Variants in KIAA0586 observed in about 807,000 individuals in gnomAD.
KIAA0586 encodes KIAA0586, also known as protein TALPID3.
In KIAA0586, 144 loss-of-function variants were observed where a neutral mutation model predicts 169.8. The observed-to-expected ratio is 0.85, with a 90% CI of 0.74 to 0.97. The LOEUF is 0.97. Among genes scored for constraint, KIAA0586 ranks in the 50% least tolerant of loss-of-function variants. The pLI is 0.00. For missense variants in KIAA0586, 1,854 were observed against 1,823.0 expected (o/e 1.02, Z -0.31); for synonymous variants, 625 against 612.4 (o/e 1.02, Z -0.30).
intron 26 of KIAA0586, among the ~76,000 whole-genome samples, chr14:58,494,330 T>TG (rs1378296089): frequency 3.3e-3 from 1 of 300 alleles, no homozygotes; most frequent in East Asian, 0.25. Context: ...TTTTTTGTTG[T>TG]TTTTTTTTTT....
rs541826432 is a variant in KIAA0586 at position 58,428,263 on chromosome 14, A to G, written c.-2A>G. On this transcript the variant is annotated 5_prime_UTR_variant, in exon 1 of 31. Coordinates refer to ENST00000652326, the MANE Select transcript of KIAA0586 (RefSeq NM_001329943.3). ...TGTGGGACTTGTTTTGTGACCAACA[A>G]TATGAAAGGCTCTGAGGTCAGCTTG... The G allele has an allele frequency of 8.1e-6, 13 of 1,613,028 alleles. No homozygotes were observed. In the East Asian group the frequency reaches 1.1e-4, roughly 14 times the overall value.
At chr14:58,476,524 A>G (rs1478145482) in intron 19 of KIAA0586, among the ~76,000 whole-genome samples, 1 of 152,142 alleles carries the variant, frequency 6.6e-6, no homozygotes, top group Non-Finnish European at 1.5e-5. Flanking sequence ...GATATGCCAG[A>G]TAGTCATTGG....
intron 30 of KIAA0586, 98 bp from the exon 31 acceptor site, chr14:58,547,683 C>CGG: frequency 1.3e-6 from 1 of 794,210 alleles, no homozygotes; most frequent in Non-Finnish European, 2.0e-6. Flanking sequence ...TTGGAATCCG[C>CGG]GCCCCCCCAC....
intron 21 of KIAA0586, among the ~76,000 whole-genome samples, chr14:58,485,464 A>G (rs1327434081): frequency 1.3e-5 from 2 of 152,178 alleles, no homozygotes; most frequent in African/African-American, 4.8e-5. Flanking sequence ...ATCTTGTAGT[A>G]GGAAATCTGG....
chr14:58,534,992 A>G (rs2046196903), intron 29 of KIAA0586, among the ~76,000 whole-genome samples: 1 of 152,128 alleles, frequency 6.6e-6, no homozygotes, highest in African/African-American at 2.4e-5. Flanking sequence ...CCAGACCCCC[A>G]AAGGCCCTCA....
At chr14:58,438,467 C>T (rs1457529036) in intron 4 of KIAA0586, among the ~76,000 whole-genome samples, 1 of 152,268 alleles carries the variant, frequency 6.6e-6, no homozygotes, top group East Asian at 1.9e-4. Context: ...ACATACCTAA[C>T]CCTTTGTTAC....
intron 30 of KIAA0586, among the ~76,000 whole-genome samples, chr14:58,543,240 A>G (rs377550071): frequency 1.3e-5 from 2 of 151,344 alleles, no homozygotes; most frequent in East Asian, 3.9e-4. Context: ...TCAGTCTCTT[A>G]TTATTTTCTA....
chr14:58,492,384 G>A (rs1264107703), intron 26 of KIAA0586, 109 bp downstream of exon 26: 1 of 903,050 alleles, frequency 1.1e-6, no homozygotes, highest in Non-Finnish European at 1.6e-6. Context: ...TTTTTCAAGG[G>A]TCAGTGTTAC....
intron 30 of KIAA0586, among the ~76,000 whole-genome samples, chr14:58,540,379 G>A (rs1376315749): frequency 6.6e-6 from 1 of 152,182 alleles, no homozygotes; most frequent in Non-Finnish European, 1.5e-5. Context: ...TGAATTAAAA[G>A]GCTGCAGGTG....
chr14:58,432,586 CATG>C, intron 4 of KIAA0586, 129 bp downstream of exon 4: 1 of 555,016 alleles, frequency 1.8e-6, no homozygotes, highest in Non-Finnish European at 3.2e-6. Flanking sequence ...AAGCATTTCT[CATG>C]GTGCTAGACA....
rs150425710 is a variant in KIAA0586 at position 58,521,069 on chromosome 14, G to A, written c.4429+8442G>A. The A allele has an allele frequency of 7.2e-4, 295 of 411,168 alleles. 1 individual carries two copies. In the East Asian group the frequency reaches 0.01, roughly 15 times the overall value. The allele number at this position is 411,168 out of a possible 1,614,324, so 25.5% of individuals were successfully genotyped here. A position where few individuals can be genotyped will look rare whatever the true frequency, so the allele number is the denominator to read the frequency against. On this transcript the variant is annotated intron_variant, in intron 29 of 30. Coordinates refer to ENST00000652326, the MANE Select transcript of KIAA0586 (RefSeq NM_001329943.3). ...AGATGAAGACTGAGCGGTTGTGGCC[G>A]CCTTGCCGACCTTGAGCAGCAGTTG...
rs371990780 is a variant in KIAA0586, at chr14:58,459,971, A to T, written c.1785A>T (p.Val595=). The change falls in exon 13 of 31, where the codon GTA becomes GTT. Residue 595 remains valine, a synonymous_variant. Transcript: ENST00000652326. ...AAGATAAAACTGTCAACAAATCTGT[A>T]ATTCCAAGAAAACATTCTCAAAAGC... ...NTQDKTVNKS[V]IPRKHSQKQI... 7.8e-6 allele frequency: 12 copies of T among 1,534,350 alleles called. No individual in the cohort carries two copies. In the African/African-American group the frequency reaches 1.4e-4, roughly 17 times the overall value.
At chr14:58,507,808 G>A (rs2044110110) in intron 27 of KIAA0586, among the ~76,000 whole-genome samples, 1 of 150,896 alleles carries the variant, frequency 6.6e-6, no homozygotes, top group South Asian at 2.1e-4. Context: ...ATTTAGAGAC[G>A]AGGTCTCATT....
At chr14:58,441,567 A>T (rs1256359412) in intron 4 of KIAA0586, among the ~76,000 whole-genome samples, 2 of 152,196 alleles carry the variant, frequency 1.3e-5, no homozygotes, top group African/African-American at 4.8e-5. Context: ...AAACCACAGC[A>T]GCTTGTCTGA....
chr14:58,532,313 C>G (rs1300833367), intron 29 of KIAA0586, among the ~76,000 whole-genome samples: 2 of 152,100 alleles, frequency 1.3e-5, no homozygotes, highest in East Asian at 3.8e-4. Context: ...ACTTCTGTTT[C>G]TCTGGCTTAC....
intron 30 of KIAA0586, among the ~76,000 whole-genome samples, chr14:58,545,945 G>A (rs1481438983): frequency 3.3e-5 from 5 of 152,004 alleles, no homozygotes; most frequent in Non-Finnish European, 4.4e-5. Flanking sequence ...GAGGTGGAAG[G>A]ATCGCTTGAG....
In KIAA0586 at chr14:58,488,797, C is replaced by T. The variant is rs777311587; in HGVS notation, c.3704C>T (p.Thr1235Ile). ...TLESTLSVTV[T>I]ETETLDKPIS... ...GAGAGCACATTGAGTGTTACTGTCA[C>T]TGAAACTGAAACTTTAGATAAACCC... The change falls in exon 24 of 31, where the codon ACT (threonine) becomes ATT (isoleucine). Residue 1235 changes from threonine (T) to isoleucine (I), a missense_variant. Transcript: ENST00000652326. The T allele has an allele frequency of 5.6e-6, 9 of 1,613,716 alleles. No individual in the cohort carries two copies. Among genetic ancestry groups the T allele is most frequent in the Non-Finnish European group, 7.6e-6 (9 of 1,179,830 alleles).
chr14:58,520,667 C>T (rs545230925), intron 29 of KIAA0586, among the ~76,000 whole-genome samples: 2 of 151,998 alleles, frequency 1.3e-5, no homozygotes, highest in African/African-American at 2.4e-5. Flanking sequence ...GGATGGCAGG[C>T]GTGTGCCACC....
Position 58,461,155 on chromosome 14 carries a change from T to TTAAA in KIAA0586, c.2055_2058dup (p.Gly687Ter). 1 of 1,565,044 alleles carries TTAAA rather than the reference T, an allele frequency of 6.4e-7. No individual in the cohort carries two copies. Among genetic ancestry groups the TTAAA allele is most frequent in the Non-Finnish European group, 8.6e-7 (1 of 1,159,440 alleles). ...CAGAGACCAAAAGTAATAGAACGAGTTAAAGGTAAGGAATCTCATTTTTAA... is the reference window on the plus strand; with the variant it reads ...CAGAGACCAAAAGTAATAGAACGAGTTAAATAAAGGTAAGGAATCTCATTTTTAA... On this transcript the variant is annotated frameshift_variant, in exon 14 of 31. Coordinates refer to ENST00000652326, the MANE Select transcript of KIAA0586 (RefSeq NM_001329943.3). LOFTEE classifies it high-confidence loss of function.
Sources: allele counts gnomAD v4.1 joint callset (sites outside exome capture counted in the v4.1 genomes callset), GRCh38; gene constraint gnomAD v4.1.1; transcripts MANE v1.5; gene names NCBI Gene and HGNC (gene_info 2026-07-23, HGNC 2026-07-21).